The following MAML1 variants were observed in gnomAD, a reference collection of about 807,000 sequenced individuals.
MAML1 encodes mastermind like transcriptional coactivator 1, also known as mastermind-like protein 1.
Under a neutral mutation model 77.1 loss-of-function variants are expected in MAML1, and 14 were observed. The ratio of observed to expected loss-of-function variants is 0.18; its 90% confidence interval spans 0.12 to 0.28. MAML1 has a LOEUF of 0.28. Among genes scored for constraint, MAML1 ranks in the 10% least tolerant of loss-of-function variants. MAML1 has a pLI of 1.00. For synonymous variants in MAML1, 516 were observed against 551.9 expected, an observed-to-expected ratio of 0.93 and a Z score of 0.91; for missense variants, 1,217 against 1,327.8, an observed-to-expected ratio of 0.92 and a Z score of 1.30.
At chr5:179,764,652 C>G (rs1779779427) in intron 1 of MAML1, among the ~76,000 whole-genome samples, 1 of 148,532 alleles carries the variant, frequency 6.7e-6, no homozygotes, top group Non-Finnish European at 1.5e-5. Context: ...AAGAGCGAAA[C>G]TCTGTCTCAA....
At chr5:179,759,097 C>T (rs929146089) in intron 1 of MAML1, among the ~76,000 whole-genome samples, 4 of 152,280 alleles carry the variant, frequency 2.6e-5, no homozygotes, top group East Asian at 1.9e-4. Context: ...TGGGTATCTG[C>T]GCTTCACGAA....
chr5:179,752,408 A>G (rs1779512627), intron 1 of MAML1, among the ~76,000 whole-genome samples: 1 of 146,898 alleles, frequency 6.8e-6, no homozygotes, highest in Non-Finnish European at 1.5e-5. Flanking sequence ...TTTTTCTCAA[A>G]AAATACTGAT....
intron 2 of MAML1, among the ~76,000 whole-genome samples, chr5:179,767,366 G>A (rs1007717651): frequency 2.0e-5 from 3 of 152,034 alleles, no homozygotes; most frequent in East Asian, 3.8e-4. Context: ...GCCCAGTGCC[G>A]GTAATATCAT....
At chr5:179,759,630 C>T (rs983802925) in intron 1 of MAML1, among the ~76,000 whole-genome samples, 2 of 152,200 alleles carry the variant, frequency 1.3e-5, no homozygotes, top group African/African-American at 4.8e-5. Flanking sequence ...AGGGTCAGGG[C>T]TCCCGAGTGT....
rs1343379617 is a variant in MAML1 at position 179,771,919 on chromosome 5, C to T, written c.2068+676C>T. Among the ~76,000 whole-genome samples, 1 of 152,172 alleles carries T rather than the reference C, an allele frequency of 6.6e-6. No homozygotes were observed. The highest frequency in any genetic ancestry group is 1.5e-5 in the Non-Finnish European group (1 of 68,032). The stretch of plus-strand genomic sequence containing the variant: ...CTATAAAGGGTCCCAGAGAGACTGA[C>T]CACAGCTGTGTGTCCTGGAGGAGAC... On this transcript the variant is annotated intron_variant, in intron 4 of 4. Coordinates refer to ENST00000292599, the MANE Select transcript of MAML1 (RefSeq NM_014757.5). This position sits in a 1 kb window ranked among gnomAD's most constrained non-coding sequence, Gnocchi z 4.7.
At chr5:179,742,484 A>T (rs959760205) in intron 1 of MAML1, among the ~76,000 whole-genome samples, 1 of 151,428 alleles carries the variant, frequency 6.6e-6, no homozygotes, top group African/African-American at 2.4e-5. Context: ...GTGAGATTCC[A>T]TCTCAAAATA....
chr5:179,743,528 G>A (rs1021197898), intron 1 of MAML1, among the ~76,000 whole-genome samples: 2 of 151,306 alleles, frequency 1.3e-5, no homozygotes, highest in African/African-American at 2.4e-5. Flanking sequence ...CACCACGCCC[G>A]GCTAATTTTT....
chr5:179,754,842 C>T (rs1779580205), intron 1 of MAML1, among the ~76,000 whole-genome samples: 1 of 152,058 alleles, frequency 6.6e-6, no homozygotes, highest in African/African-American at 2.4e-5. Context: ...TAGAACAAAA[C>T]AAATTCAAGT....
At position 179,774,141 on chromosome 5, in the gene MAML1, C is replaced by T; in HGVS notation, c.2315C>T (p.Pro772Leu). 1 of 1,613,630 alleles carries T rather than the reference C, an allele frequency of 6.2e-7. No individual in the cohort carries two copies. Among genetic ancestry groups the T allele is most frequent in the Non-Finnish European group, 8.5e-7 (1 of 1,180,024 alleles). Residue 772 changes from proline to leucine, a missense_variant, in exon 5 of 5, where the codon CCA becomes CTA. By Grantham distance (98) the Pro-to-Leu change is moderately conservative. Around this residue, in one of 3 missense-constraint regions of MAML1, gnomAD observed 884 missense variants for 949.3 expected, o/e 0.93. Transcript: ENST00000292599. ...GITQIVAQPP[P>L]QATNGHAHIP... ...ACCCAGATAGTTGCCCAGCCCCCGCCACAGGCCACCAATGGACATGCCCAC... is the reference window on the plus strand; with the variant it reads ...ACCCAGATAGTTGCCCAGCCCCCGCTACAGGCCACCAATGGACATGCCCAC...
chr5:179,771,272 A>G lies in MAML1; in HGVS notation c.2068+29A>G. The G allele has an allele frequency of 6.3e-7, 1 of 1,590,276 alleles. No individual in the cohort carries two copies. The highest frequency in any genetic ancestry group is 8.6e-7 in the Non-Finnish European group (1 of 1,158,346). On this transcript the variant is annotated intron_variant, in intron 4 of 4. Coordinates refer to ENST00000292599, the MANE Select transcript of MAML1 (RefSeq NM_014757.5). This position sits in a 1 kb window ranked among gnomAD's most constrained non-coding sequence, Gnocchi z 4.7. ...GGGGGTGTCTGTGTGACGAGCAGGGACAGGGGAGGCCGCTGCCTGGTGCTG... is the reference window on the plus strand; with the variant it reads ...GGGGGTGTCTGTGTGACGAGCAGGGGCAGGGGAGGCCGCTGCCTGGTGCTG...
intron 1 of MAML1, among the ~76,000 whole-genome samples, chr5:179,749,603 A>T (rs114353541): frequency 0.013 from 1,957 of 152,314 alleles, 44 homozygotes; most frequent in African/African-American, 0.045. Flanking sequence ...CCTTCTCAAG[A>T]AGCTACTGGA....
chr5:179,752,902 T>C (rs532483734), intron 1 of MAML1, among the ~76,000 whole-genome samples: 2 of 152,266 alleles, frequency 1.3e-5, no homozygotes, highest in Non-Finnish European at 2.9e-5. Flanking sequence ...GCCTCCTGAG[T>C]AGCTGGGATT....
At chr5:179,755,088 A>G (rs908590589) in intron 1 of MAML1, among the ~76,000 whole-genome samples, 4 of 152,224 alleles carry the variant, frequency 2.6e-5, no homozygotes, top group Admixed American at 6.5e-5. Flanking sequence ...CTTTAAATCA[A>G]ATAGATCTGT....
rs373682210 is a variant in MAML1, at chr5:179,748,929, A to G, written c.315+15502A>G. On this transcript the variant is annotated intron_variant, in intron 1 of 4. Coordinates refer to ENST00000292599, the MANE Select transcript of MAML1 (RefSeq NM_014757.5). ...CCTAGCCTAACTATACAACAAGAAT[A>G]AGTGAGAAAAAGGTGTTTTTGTTTT... Among the ~76,000 whole-genome samples, 46 of 149,072 alleles carry G rather than the reference A, an allele frequency of 3.1e-4. No individual in the cohort carries two copies. The East Asian group carries it at 5.8e-3, about 19-fold the overall frequency.
Position 179,733,194 on chromosome 5 carries a change from G to C in MAML1, c.82G>C (p.Glu28Gln). The C allele has an allele frequency of 2.0e-6, 3 of 1,475,254 alleles. No homozygotes were observed. Among genetic ancestry groups the C allele is most frequent in the Non-Finnish European group, 2.7e-6 (3 of 1,116,632 alleles). The allele number at this position is 1,475,254 out of a possible 1,614,324, so 91.4% of individuals were successfully genotyped here. Residue 28 changes from glutamate (E) to glutamine (Q), a missense_variant, in exon 1 of 5, where the codon GAG (glutamate) becomes CAG (glutamine). By Grantham distance (29) the Glu-to-Gln change is conservative. This residue lies in a region of MAML1 where 312 missense variants were observed against 331.4 expected (regional missense o/e 0.94). Coordinates refer to ENST00000292599, the MANE Select transcript of MAML1 (RefSeq NM_014757.5). Reference sequence around the variant, plus strand: ...CATGGAGCGCCTTCGCCGGCGCATCGAGCTGTGCCGGCGCCACCACAGCAC... The same window carrying C: ...CATGGAGCGCCTTCGCCGGCGCATCCAGCTGTGCCGGCGCCACCACAGCAC... ...AVMERLRRRI[E>Q]LCRRHHSTCE...
At chr5:179,755,138 T>C (rs146636679) in intron 1 of MAML1, among the ~76,000 whole-genome samples, 15 of 152,324 alleles carry the variant, frequency 9.8e-5, no homozygotes, top group African/African-American at 3.6e-4. Context: ...ACATTCCAAG[T>C]TGTATAACTT....
chr5:179,734,658 C>G (rs2113326505), intron 1 of MAML1, among the ~76,000 whole-genome samples: 1 of 152,230 alleles, frequency 6.6e-6, no homozygotes, highest in South Asian at 2.1e-4. Flanking sequence ...CCCTGCCCTC[C>G]CCTCACTCTG....
chr5:179,764,053 G>A (rs7704520), intron 1 of MAML1, among the ~76,000 whole-genome samples: 43,384 of 151,868 alleles, frequency 0.29, 6,546 homozygotes, highest in Non-Finnish European at 0.34. Context: ...AGCAGTAGAA[G>A]GAGTCCGTCT....
In MAML1 at chr5:179,735,753, T is replaced by G. The variant is rs1363599026; in HGVS notation, c.315+2326T>G. Among the ~76,000 whole-genome samples, 5 of 151,922 alleles carry G rather than the reference T, an allele frequency of 3.3e-5. No homozygotes were observed. In the East Asian group the frequency reaches 9.6e-4, roughly 29 times the overall value. On this transcript the variant is annotated intron_variant, in intron 1 of 4. Coordinates refer to ENST00000292599, the MANE Select transcript of MAML1 (RefSeq NM_014757.5). ...CCCAGGCTGGAGTGTAGTGACATGA[T>G]TTCTGCTCACTGCAACCTCTGCCTC...
Sources: gnomAD v4.1 joint callset for allele counts (sites outside exome capture counted in the v4.1 genomes callset) on GRCh38, gnomAD v4.1.1 for gene constraint, gnomAD v4.1.1 regional missense constraint, Gnocchi (gnomAD v3.1) non-coding constraint, MANE v1.5 for transcripts, NCBI Gene and HGNC (gene_info 2026-07-23, HGNC 2026-07-21) for gene names.